INPP5A: variants seen among roughly 807,000 people sequenced by gnomAD.
INPP5A encodes the protein inositol polyphosphate-5-phosphatase A, also known as 43 kDa inositol polyphosphate 5-phophatase.
A neutral mutation model predicts 65.2 loss-of-function variants in INPP5A; 14 were observed. The ratio of observed to expected loss-of-function variants is 0.21; its 90% confidence interval spans 0.14 to 0.34. INPP5A has a LOEUF of 0.34. Among genes scored for constraint, INPP5A ranks in the 10% least tolerant of loss-of-function variants. The pLI, the probability that INPP5A is intolerant of heterozygous loss-of-function variation, is 1.00. For missense variants in INPP5A, 431 were observed against 545.6 expected, an observed-to-expected ratio of 0.79 and a Z score of 2.09; for synonymous variants, 207 against 208.3, an observed-to-expected ratio of 0.99 and a Z score of 0.05.
chr10:132,726,549 C>A (rs1845988106), intron 8 of INPP5A, among the ~76,000 whole-genome samples: 1 of 152,236 alleles, frequency 6.6e-6, no homozygotes, highest in South Asian at 2.1e-4. Flanking sequence ...GGTGAGGAGG[C>A]AGCTGAGACT....
intron 1 of INPP5A, among the ~76,000 whole-genome samples, chr10:132,571,903 C>A (rs1194650582): frequency 2.0e-5 from 3 of 152,192 alleles, no homozygotes; most frequent in Non-Finnish European, 4.4e-5. Context: ...AGCTTGTTAA[C>A]GACCGACTGG....
chr10:132,559,926 G>A (rs1298134019), intron 1 of INPP5A, among the ~76,000 whole-genome samples: 1 of 152,258 alleles, frequency 6.6e-6, no homozygotes, highest in Non-Finnish European at 1.5e-5. Flanking sequence ...GCAAGTTGCT[G>A]TGTGAACCTG....
Position 132,650,823 on chromosome 10 carries a change from C to T in INPP5A, c.306+318C>T, listed in dbSNP as rs1205925609. Among the ~76,000 whole-genome samples the T allele has an allele frequency of 6.6e-6, 1 of 152,142 alleles. No individual in the cohort carries two copies. Among genetic ancestry groups the T allele is most frequent in the Non-Finnish European group, 1.5e-5 (1 of 68,018 alleles). On this transcript the variant is annotated intron_variant, in intron 4 of 15. Coordinates refer to ENST00000368594, the MANE Select transcript of INPP5A (RefSeq NM_005539.5). The surrounding 1 kb of genome is among the most constrained non-coding windows in gnomAD (Gnocchi z 5.5). ...TGAAAATAAGAGGGAGTCCGGGGCTCCAGGCGTGTAGATGAGAGGTTGGAC... is the reference window on the plus strand; with the variant it reads ...TGAAAATAAGAGGGAGTCCGGGGCTTCAGGCGTGTAGATGAGAGGTTGGAC...
intron 1 of INPP5A, among the ~76,000 whole-genome samples, chr10:132,600,020 G>C (rs1337072469): frequency 6.6e-6 from 1 of 152,226 alleles, no homozygotes; most frequent in African/African-American, 2.4e-5. Flanking sequence ...GTGGTGGGAG[G>C]TGTTGCCATG....
At chr10:132,624,888 C>T (rs1371990236) in intron 2 of INPP5A, among the ~76,000 whole-genome samples, 1 of 152,010 alleles carries the variant, frequency 6.6e-6, no homozygotes, top group Admixed American at 6.5e-5. Flanking sequence ...CCAGGGCCCA[C>T]ACCGTGGCAT....
At position 132,538,032 on chromosome 10, in the gene INPP5A, C is replaced by A; in HGVS notation, c.-65C>A. ...GCGGCCCCGCGAAGACCCCGGCCGG[C>A]CGGTCCCGGAGGAAGCGGCCGCCGC... On this transcript the variant is annotated 5_prime_UTR_variant, in exon 1 of 16. Coordinates refer to ENST00000368594, the MANE Select transcript of INPP5A (RefSeq NM_005539.5). This position sits in a 1 kb window ranked among gnomAD's most constrained non-coding sequence, Gnocchi z 4.1. 1 of 817,090 alleles carries A rather than the reference C, an allele frequency of 1.2e-6. No individual in the cohort carries two copies. Among genetic ancestry groups the A allele is most frequent in the South Asian group, 5.3e-5 (1 of 18,736 alleles). The allele number at this position is 817,090 out of a possible 1,614,324, so 50.6% of individuals were successfully genotyped here. A position where few individuals can be genotyped will look rare whatever the true frequency, so the allele number is the denominator to read the frequency against.
At chr10:132,562,192 G>A (rs1401945020) in intron 1 of INPP5A, among the ~76,000 whole-genome samples, 2 of 152,232 alleles carry the variant, frequency 1.3e-5, no homozygotes, top group Non-Finnish European at 2.9e-5. Context: ...CTGCTGCACC[G>A]CCCTCGCCCA....
At chr10:132,653,629 GAATT>G (rs1171823816) in intron 4 of INPP5A, among the ~76,000 whole-genome samples, 1 of 152,150 alleles carries the variant, frequency 6.6e-6, no homozygotes, top group African/African-American at 2.4e-5. Context: ...TTACCAAAAA[GAATT>G]AAATTAGAAG....
At chr10:132,602,996 A>G (rs1450149891) in intron 1 of INPP5A, among the ~76,000 whole-genome samples, 3 of 152,168 alleles carry the variant, frequency 2.0e-5, no homozygotes, top group African/African-American at 4.8e-5. Context: ...TTCTGAATCT[A>G]TCTGGAGTTT....
rs1002940735 is a variant in INPP5A at position 132,762,141 on chromosome 10, G to A, written c.904-3632G>A. On this transcript the variant is annotated intron_variant, in intron 11 of 15. Transcript: ENST00000368594. This position sits in a 1 kb window ranked among gnomAD's most constrained non-coding sequence, Gnocchi z 4.6. ...AGGATGGGACAGGAGGGTCGGGGCT[G>A]GGAGAGGAGGGAAGAGCCCAGCGCT... Among the ~76,000 whole-genome samples, 9 of 152,202 alleles carry A rather than the reference G, an allele frequency of 5.9e-5. No individual in the cohort carries two copies. The highest frequency in any genetic ancestry group is 2.2e-4 in the African/African-American group (9 of 41,452).
At chr10:132,738,990 T>C (rs1215586767) in intron 9 of INPP5A, among the ~76,000 whole-genome samples, 3 of 152,172 alleles carry the variant, frequency 2.0e-5, no homozygotes, top group Non-Finnish European at 1.5e-5. Context: ...GGAAGACCGT[T>C]GAGAAGATGG....
At chr10:132,776,288 C>T (rs1450409771) in intron 12 of INPP5A, among the ~76,000 whole-genome samples, 1 of 152,210 alleles carries the variant, frequency 6.6e-6, no homozygotes, top group Non-Finnish European at 1.5e-5. Context: ...GCCGTGGCTC[C>T]TGTGAGTGTG....
At chr10:132,670,220 C>G (rs1364573285) in intron 4 of INPP5A, among the ~76,000 whole-genome samples, 1 of 94,136 alleles carries the variant, frequency 1.1e-5, no homozygotes, top group African/African-American at 4.2e-5. Flanking sequence ...CCCCACACCC[C>G]CTGACCCTAC....
chr10:132,622,928 G>A lies in INPP5A; in HGVS notation c.117+14972G>A, dbSNP rs560840262. Among the ~76,000 whole-genome samples, 8 of 148,664 alleles carry A rather than the reference G, an allele frequency of 5.4e-5. 2 individuals are homozygous for A. Among genetic ancestry groups the A allele is most frequent in the African/African-American group, 2.0e-4 (8 of 39,420 alleles). ...GATTGGAAGACTCAGTTACGCTGAC[G>A]TGTTAGAACTTGAGAAATATACCGT... is the stretch of plus-strand genomic sequence containing the variant. On this transcript the variant is annotated intron_variant, in intron 2 of 15. Coordinates refer to ENST00000368594, the MANE Select transcript of INPP5A (RefSeq NM_005539.5).
chr10:132,562,015 T>G (rs1473575213), intron 1 of INPP5A, among the ~76,000 whole-genome samples: 1 of 152,230 alleles, frequency 6.6e-6, no homozygotes, highest in African/African-American at 2.4e-5. Context: ...GGCAAACTCA[T>G]GTCTGCAGTT....
In INPP5A at chr10:132,550,218, A is replaced by T. The variant is rs1264770397; in HGVS notation, c.75+12047A>T. Among the ~76,000 whole-genome samples the T allele has an allele frequency of 6.6e-6, 1 of 152,210 alleles. No homozygotes were observed. Among genetic ancestry groups the T allele is most frequent in the Non-Finnish European group, 1.5e-5 (1 of 68,028 alleles). On this transcript the variant is annotated intron_variant, in intron 1 of 15. Coordinates refer to ENST00000368594, the MANE Select transcript of INPP5A (RefSeq NM_005539.5). This position sits in a 1 kb window ranked among gnomAD's most constrained non-coding sequence, Gnocchi z 4.2. ...GAGCAGAGAGAGCTTAGGAGACCAC[A>T]TTGCCACTGTTTAGGGTCAGAGTGG...
intron 1 of INPP5A, among the ~76,000 whole-genome samples, chr10:132,591,662 T>G (rs2071621571): frequency 6.6e-6 from 1 of 152,260 alleles, no homozygotes; most frequent in Non-Finnish European, 1.5e-5. Context: ...TGTTGTTTTG[T>G]CTGTTAATTT....
intron 5 of INPP5A, among the ~76,000 whole-genome samples, chr10:132,695,500 A>T (rs942237812): frequency 2.0e-5 from 3 of 152,260 alleles, no homozygotes; most frequent in African/African-American, 7.2e-5. Context: ...AGATAATGTA[A>T]TAAGACAAGA....
intron 14 of INPP5A, among the ~76,000 whole-genome samples, 193 bp from the exon 15 acceptor site, chr10:132,781,668 G>A (rs1288231678): frequency 2.0e-5 from 3 of 152,256 alleles, no homozygotes; most frequent in African/African-American, 4.8e-5. Flanking sequence ...CCACATTCAC[G>A]GGGCCCCCAA....
Sources: gnomAD v4.1 joint callset for allele counts (sites outside exome capture counted in the v4.1 genomes callset) on GRCh38, gnomAD v4.1.1 for gene constraint, Gnocchi (gnomAD v3.1) non-coding constraint, MANE v1.5 for transcripts, NCBI Gene and HGNC (gene_info 2026-07-23, HGNC 2026-07-21) for gene names.